Variants in RNF220 observed in about 807,000 individuals in gnomAD.
The protein encoded by RNF220 is E3 ubiquitin-protein ligase RNF220.
Under a neutral mutation model 67.1 loss-of-function variants are expected in RNF220, and 7 were observed. That is an observed-to-expected ratio of 0.10 (90% CI 0.06 to 0.20). The LOEUF is 0.20. RNF220 is among the 10% of genes least tolerant of loss of function. The pLI is 1.00. For synonymous variants in RNF220, 270 were observed against 283.2 expected (o/e 0.95, Z 0.47); for missense variants, 565 against 740.3 (o/e 0.76, Z 2.75).
chr1:44,452,001 C>T (rs143501179), intron 2 of RNF220, among the ~76,000 whole-genome samples: 148 of 152,312 alleles, frequency 9.7e-4, no homozygotes, highest in African/African-American at 3.4e-3. Context: ...CCTTAGAAGA[C>T]GTTATATGTT....
At position 44,626,325 on chromosome 1, in the gene RNF220, G is replaced by C. The variant is rs1466380676; in HGVS notation, c.833G>C (p.Arg278Thr). The C allele has an allele frequency of 6.2e-7, 1 of 1,614,008 alleles. No homozygotes were observed. The highest frequency in any genetic ancestry group is 8.5e-7 in the Non-Finnish European group (1 of 1,179,912). Residue 278 changes from arginine (R) to threonine (T), a missense_variant, in exon 5 of 15, where the codon AGG becomes ACG. Physicochemically the swap from Arg to Thr is moderately conservative, Grantham distance 71 (BLOSUM62 -1). Coordinates refer to ENST00000361799, the MANE Select transcript of RNF220 (RefSeq NM_018150.4). ...CTCCTGTTGTCTGCTTCCATCAAGA[G>C]GGAAGGAGAGTCTCCAACGGCATCA... ...KSLLLSASIK[R>T]EGESPTASPH...
chr1:44,590,014 A>G (rs1199304497), intron 2 of RNF220, among the ~76,000 whole-genome samples: 2 of 152,138 alleles, frequency 1.3e-5, no homozygotes, highest in East Asian at 1.9e-4. Flanking sequence ...GGTGAAGGTC[A>G]TGGGCCCAAG....
rs562676933 is a variant in RNF220 at position 44,645,873 on chromosome 1, C to T, written c.1445+385C>T. ...GTTTCATTTTTCTTGTCCCGGGTGGCACTCGCAGTGGATTTTAGGCAGGAA... is the reference window on the plus strand; with the variant it reads ...GTTTCATTTTTCTTGTCCCGGGTGGTACTCGCAGTGGATTTTAGGCAGGAA... On this transcript the variant is annotated intron_variant, in intron 12 of 14. Coordinates refer to ENST00000361799, the MANE Select transcript of RNF220 (RefSeq NM_018150.4). This position sits in a 1 kb window ranked among gnomAD's most constrained non-coding sequence, Gnocchi z 5.0. Among the ~76,000 whole-genome samples the T allele has an allele frequency of 3.2e-3, 488 of 152,318 alleles. 8 individuals are homozygous for T. Among genetic ancestry groups the T allele is most frequent in the Non-Finnish European group, 1.8e-3 (121 of 68,024 alleles).
chr1:44,496,851 G>A (rs528137992), intron 2 of RNF220, among the ~76,000 whole-genome samples: 17 of 152,348 alleles, frequency 1.1e-4, no homozygotes, highest in African/African-American at 4.1e-4. Context: ...TAATTTTGCA[G>A]CTCACCCCAG....
chr1:44,590,211 C>T (rs1411913958), intron 2 of RNF220, among the ~76,000 whole-genome samples: 1 of 152,206 alleles, frequency 6.6e-6, no homozygotes, highest in Non-Finnish European at 1.5e-5. Flanking sequence ...ATCCACTCAG[C>T]ATGTTAGAAG....
At chr1:44,526,011 A>G (rs272534) in intron 2 of RNF220, among the ~76,000 whole-genome samples, 20,081 of 151,944 alleles carry the variant, frequency 0.13, 1,786 homozygotes, top group African/African-American at 0.25. Flanking sequence ...TTCCCCTCCT[A>G]GCTTCACTTT....
At chr1:44,508,467 G>A (rs1172748105) in intron 2 of RNF220, among the ~76,000 whole-genome samples, 1 of 152,272 alleles carries the variant, frequency 6.6e-6, no homozygotes, top group African/African-American at 2.4e-5. Flanking sequence ...GCTCAGGAAC[G>A]CCTGCATCTT....
At chr1:44,450,210 C>CA (rs879870662) in intron 2 of RNF220, among the ~76,000 whole-genome samples, 20 of 143,722 alleles carry the variant, frequency 1.4e-4, no homozygotes, top group East Asian at 4.0e-4. Context: ...AACTCCGTGT[C>CA]AAAAAAAAAA....
intron 2 of RNF220, among the ~76,000 whole-genome samples, chr1:44,531,246 A>T (rs1396444384): frequency 6.6e-6 from 1 of 152,228 alleles, no homozygotes; most frequent in Non-Finnish European, 1.5e-5. Flanking sequence ...TTCACAATCC[A>T]GCCCAAACTA....
At chr1:44,576,137 A>T (rs904869988) in intron 2 of RNF220, among the ~76,000 whole-genome samples, 1 of 152,260 alleles carries the variant, frequency 6.6e-6, no homozygotes, top group Non-Finnish European at 1.5e-5. Context: ...TGGGTGAACT[A>T]GCATACATTA....
intron 2 of RNF220, among the ~76,000 whole-genome samples, chr1:44,442,084 A>T (rs1651616842): frequency 1.3e-5 from 2 of 152,296 alleles, no homozygotes; most frequent in Admixed American, 1.3e-4. Flanking sequence ...ACTGGTGCAC[A>T]CAGTTGCCTA....
At chr1:44,541,818 G>T (rs1239368892) in intron 2 of RNF220, among the ~76,000 whole-genome samples, 1 of 152,168 alleles carries the variant, frequency 6.6e-6, no homozygotes, top group Non-Finnish European at 1.5e-5. Context: ...CAGTCACCTT[G>T]CTCTGAAACA....
At chr1:44,471,880 T>G (rs1200309936) in intron 2 of RNF220, among the ~76,000 whole-genome samples, 1 of 152,048 alleles carries the variant, frequency 6.6e-6, no homozygotes, top group Non-Finnish European at 1.5e-5. Context: ...CAATTCCCCC[T>G]CTTCTCCATC....
chr1:44,537,215 A>G lies in RNF220; in HGVS notation c.626-76950A>G, dbSNP rs74070512. 6.1e-3 allele frequency among the ~76,000 whole-genome samples: 922 copies of G among 151,890 alleles called. 8 individuals carry two copies. The highest frequency in any genetic ancestry group is 0.021 in the African/African-American group (880 of 41,370). On this transcript the variant is annotated intron_variant, in intron 2 of 14. Coordinates refer to ENST00000361799, the MANE Select transcript of RNF220 (RefSeq NM_018150.4). Reference sequence around the variant, plus strand: ...CCTTTCTTTGCGTGGTCTACAACCAACCCCTTCTTGTATCAGACCTCTAAA... The same window carrying G: ...CCTTTCTTTGCGTGGTCTACAACCAGCCCCTTCTTGTATCAGACCTCTAAA...
intron 5 of RNF220, among the ~76,000 whole-genome samples, chr1:44,631,262 T>G (rs1369795220): frequency 6.6e-6 from 1 of 152,222 alleles, no homozygotes; most frequent in Non-Finnish European, 1.5e-5. Flanking sequence ...ATTTTTCAGT[T>G]AGACCTGGAA....
chr1:44,595,702 A>C (rs2148383387), intron 2 of RNF220, among the ~76,000 whole-genome samples: 1 of 152,304 alleles, frequency 6.6e-6, no homozygotes, highest in East Asian at 1.9e-4. Flanking sequence ...ACCAGCATCA[A>C]GCAGATGCCC....
Position 44,650,556 on chromosome 1 carries a change from G to GAAGCT in RNF220, c.1630-147_1630-143dup. On this transcript the variant is annotated intron_variant, in intron 14 of 14. Coordinates refer to ENST00000361799, the MANE Select transcript of RNF220 (RefSeq NM_018150.4). The surrounding 1 kb of genome is among the most constrained non-coding windows in gnomAD (Gnocchi z 4.3). Reference sequence around the variant, plus strand: ...ACAGGAGCGTGCCTGCCTGCTCACAGAAGCTGCCTATGCGTCCCCAGCCTG... The same window carrying GAAGCT: ...ACAGGAGCGTGCCTGCCTGCTCACAGAAGCTAAGCTGCCTATGCGTCCCCAGCCTG... 1 of 776,652 alleles carries GAAGCT rather than the reference G, an allele frequency of 1.3e-6. No homozygotes were observed. Among genetic ancestry groups the GAAGCT allele is most frequent in the East Asian group, 2.7e-5 (1 of 37,166 alleles). 48.1% of individuals were successfully genotyped at this position (776,652 alleles called of 1,614,324 possible).
At chr1:44,420,859 C>G (rs1649131807) in intron 2 of RNF220, among the ~76,000 whole-genome samples, 1 of 152,208 alleles carries the variant, frequency 6.6e-6, no homozygotes, top group Non-Finnish European at 1.5e-5. Context: ...ACTAAGTATT[C>G]AATACTTAGT....
chr1:44,597,527 C>T (rs971972096), intron 2 of RNF220, among the ~76,000 whole-genome samples: 2 of 151,336 alleles, frequency 1.3e-5, no homozygotes, highest in Non-Finnish European at 1.5e-5. Flanking sequence ...TCCCTCACCT[C>T]CCTCTCTCAC....
Sources: allele counts gnomAD v4.1 joint callset (sites outside exome capture counted in the v4.1 genomes callset), GRCh38; gene constraint gnomAD v4.1.1; non-coding constraint Gnocchi (gnomAD v3.1); transcripts MANE v1.5; gene names NCBI Gene and HGNC (gene_info 2026-07-23, HGNC 2026-07-21).